The following PRMT7 variants were observed in gnomAD, a reference collection of about 807,000 sequenced individuals.
The protein encoded by PRMT7 is protein arginine N-methyltransferase 7.
Under a neutral mutation model 85.4 loss-of-function variants are expected in PRMT7, and 75 were observed. The observed-to-expected ratio is 0.88, with a 90% CI of 0.73 to 1.06. PRMT7 has a LOEUF of 1.06. Ranked by LOEUF, PRMT7 falls within the 50% of genes least tolerant of loss-of-function variation. PRMT7 has a pLI of 0.00. For missense variants in PRMT7, 868 were observed against 915.2 expected (o/e 0.95, Z 0.67); for synonymous variants, 397 against 359.5 (o/e 1.10, Z -1.18).
At chr16:68,316,366 T>A (rs1366607469) in intron 3 of PRMT7, among the ~76,000 whole-genome samples, 1 of 152,234 alleles carries the variant, frequency 6.6e-6, no homozygotes, top group Non-Finnish European at 1.5e-5. Context: ...TTGAATCATT[T>A]ACTTGCCTTA....
At chr16:68,314,806 T>C (rs2044466230) in intron 2 of PRMT7, among the ~76,000 whole-genome samples, 1 of 152,094 alleles carries the variant, frequency 6.6e-6, no homozygotes, top group South Asian at 2.1e-4. Flanking sequence ...GGTGTTTCTC[T>C]CCCTCCCAGA....
intron 4 of PRMT7, chr16:68,323,621 A>C (rs751143971): frequency 6.6e-6 from 1 of 151,566 alleles, no homozygotes; most frequent in African/African-American, 2.4e-5. Flanking sequence ...TGTATGAAAA[A>C]TTTTTTTTCT....
chr16:68,333,492 A>AAAAAG (rs1339195359), intron 6 of PRMT7, among the ~76,000 whole-genome samples: 1 of 151,808 alleles, frequency 6.6e-6, no homozygotes, highest in Admixed American at 6.6e-5. Flanking sequence ...AAAAAAAAAA[A>AAAAAG]AAAAGAAAAG....
intron 14 of PRMT7, 109 bp from the exon 15 acceptor site, chr16:68,352,139 T>G (rs977871239): frequency 1.2e-5 from 14 of 1,147,124 alleles, no homozygotes; most frequent in African/African-American, 7.8e-5. Flanking sequence ...AGGGAGGGAG[T>G]GAGGGAGTGA....
intron 2 of PRMT7, among the ~76,000 whole-genome samples, chr16:68,314,420 G>A (rs1041682318): frequency 6.6e-6 from 1 of 152,116 alleles, no homozygotes; most frequent in Non-Finnish European, 1.5e-5. Flanking sequence ...TAGTAGAGAC[G>A]AGGGTTTCGC....
At position 68,311,084 on chromosome 16, in the gene PRMT7, G is replaced by A. The variant is rs899369426; in HGVS notation, c.-234G>A. ...AGTGGTAGCAGCGGAGGCGAGCGGA[G>A]GGTTTCCCGCGGCGGGTGAGGCGCT... On this transcript the variant is annotated 5_prime_UTR_variant, in exon 1 of 19. Coordinates refer to ENST00000441236, the MANE Select transcript of PRMT7 (RefSeq NM_019023.5). 6.7e-6 allele frequency: 5 copies of A among 750,420 alleles called. No homozygotes were observed. The highest frequency in any genetic ancestry group is 5.2e-5 in the African/African-American group (3 of 58,060). 46.5% of individuals were successfully genotyped at this position (750,420 alleles called of 1,614,324 possible). A position where few individuals can be genotyped will look rare whatever the true frequency, so the allele number is the denominator to read the frequency against.
intron 13 of PRMT7, 40 bp from the exon 14 acceptor site, chr16:68,348,302 T>G: frequency 6.8e-7 from 1 of 1,468,830 alleles, no homozygotes; most frequent in Non-Finnish European, 9.5e-7. Context: ...AACACAATAC[T>G]TTAGTATGAA....
In PRMT7 at chr16:68,311,020, A is replaced by T. The variant is rs541712558; in HGVS notation, c.-298A>T. On this transcript the variant is annotated 5_prime_UTR_variant, in exon 1 of 19. Coordinates refer to ENST00000441236, the MANE Select transcript of PRMT7 (RefSeq NM_019023.5). Reference sequence around the variant, plus strand: ...GACCCGCCCCCCAGCACGCTCCTCGACGCTGCGAGGTCCCGCCCCGCGTGC... The same window carrying T: ...GACCCGCCCCCCAGCACGCTCCTCGTCGCTGCGAGGTCCCGCCCCGCGTGC... 6.5e-5 allele frequency: 74 copies of T among 1,146,204 alleles called. 2 individuals are homozygous for T. Among genetic ancestry groups the T allele is most frequent in the South Asian group, 5.8e-4 (44 of 75,878 alleles). The allele number at this position is 1,146,204 out of a possible 1,614,324, so 71.0% of individuals were successfully genotyped here.
intron 3 of PRMT7, among the ~76,000 whole-genome samples, chr16:68,317,648 A>G (rs1454420894): frequency 3.3e-5 from 5 of 152,046 alleles, no homozygotes; most frequent in African/African-American, 1.2e-4. Flanking sequence ...ACCAACATGG[A>G]GAAACCCTGT....
rs1384926589 is a variant in PRMT7, at chr16:68,348,417, C to G, written c.1399C>G (p.Leu467Val). 6.2e-7 allele frequency: 1 copy of G among 1,611,200 alleles called. No individual in the cohort carries two copies. Among genetic ancestry groups the G allele is most frequent in the Non-Finnish European group, 8.5e-7 (1 of 1,177,496 alleles). ...KRPELLTNED[L>V]QGRKVSLLLG... ...GCCGGAATTATTAACAAATGAGGAC[C>G]TACAGGGCAGAAAGGTGAGTAGCGG... The change falls in exon 14 of 19, where the codon CTA becomes GTA. Residue 467 changes from leucine (L) to valine (V), a missense_variant. Coordinates refer to ENST00000441236, the MANE Select transcript of PRMT7 (RefSeq NM_019023.5).
Position 68,355,787 on chromosome 16 carries a change from G to A in PRMT7, c.1715G>A (p.Arg572His), listed in dbSNP as rs369482343. 3.2e-5 allele frequency: 51 copies of A among 1,611,218 alleles called. No homozygotes were observed. The highest frequency in any genetic ancestry group is 3.9e-5 in the Non-Finnish European group (46 of 1,179,052). Residue 572 changes from arginine (R) to histidine (H), a missense_variant, in exon 17 of 19, where the codon CGC becomes CAC. Arg to His is a conservative substitution (Grantham distance 29). Coordinates refer to ENST00000441236, the MANE Select transcript of PRMT7 (RefSeq NM_019023.5). ...EPHPLWEYPC[R>H]SLSEPWQILT... ...CACCCGCTGTGGGAGTACCCATGCC[G>A]CAGCCTCTCCGAGCCCTGGCAGATC... is the stretch of plus-strand genomic sequence containing the variant.
At chr16:68,356,847 C>T (rs373479712) in intron 18 of PRMT7, 50 bp downstream of exon 18, 29 of 1,545,508 alleles carry the variant, frequency 1.9e-5, no homozygotes, top group African/African-American at 2.7e-5. Context: ...TGAGAGCAGG[C>T]GCCGCCTGGG....
chr16:68,336,452 A>G (rs949445831), intron 6 of PRMT7, among the ~76,000 whole-genome samples: 8 of 152,202 alleles, frequency 5.3e-5, no homozygotes, highest in Non-Finnish European at 7.3e-5. Context: ...ATGGATCTCA[A>G]TTTTGGCTGC....
chr16:68,324,792 T>C lies in PRMT7; in HGVS notation c.242T>C (p.Met81Thr). 1 of 1,614,232 alleles carries C rather than the reference T, an allele frequency of 6.2e-7. No homozygotes were observed. The highest frequency in any genetic ancestry group is 8.5e-7 in the Non-Finnish European group (1 of 1,180,032). Residue 81 changes from methionine to threonine, a missense_variant, in exon 5 of 19, where the codon ATG becomes ACG. Coordinates refer to ENST00000441236, the MANE Select transcript of PRMT7 (RefSeq NM_019023.5). ...ACTGGCACGGGACTCTTGTCAATGA[T>C]GGCGGTCACAGCAGGTGCCGACTTC... ...IGTGTGLLSM[M>T]AVTAGADFCY...
intron 2 of PRMT7, among the ~76,000 whole-genome samples, chr16:68,314,224 A>G (rs1414731235): frequency 6.6e-6 from 1 of 152,074 alleles, no homozygotes; most frequent in African/African-American, 2.4e-5. Flanking sequence ...TTTCTAATCT[A>G]TTTGCTTTTT....
At chr16:68,356,017 C>G in intron 17 of PRMT7, 134 bp downstream of exon 17, 1 of 1,027,664 alleles carries the variant, frequency 9.7e-7, no homozygotes, top group Non-Finnish European at 1.3e-6. Context: ...ACAACCTTGC[C>G]CTTCCCTGTC....
At chr16:68,348,784 A>C (rs751894066) in intron 14 of PRMT7, among the ~76,000 whole-genome samples, 2 of 151,676 alleles carry the variant, frequency 1.3e-5, no homozygotes, top group South Asian at 2.1e-4. Context: ...GACTGTAGGC[A>C]TGTGCCATTA....
chr16:68,341,488 C>T (rs1034010839), intron 9 of PRMT7, among the ~76,000 whole-genome samples: 27 of 152,184 alleles, frequency 1.8e-4, no homozygotes, highest in African/African-American at 5.8e-4. Context: ...CAGCTCACTG[C>T]AACCTCTACC....
intron 4 of PRMT7, 87 bp from the exon 5 acceptor site, chr16:68,324,595 AC>A: frequency 6.6e-7 from 1 of 1,518,378 alleles, no homozygotes; most frequent in Admixed American, 1.8e-5. Context: ...TTGCACTGCC[AC>A]TGCCAGCTGT....
Sources: gnomAD v4.1 joint callset for allele counts (sites outside exome capture counted in the v4.1 genomes callset) on GRCh38, gnomAD v4.1.1 for gene constraint, MANE v1.5 for transcripts, NCBI Gene and HGNC (gene_info 2026-07-23, HGNC 2026-07-21) for gene names.